The following THAP1 variants were observed in gnomAD, a reference collection of about 807,000 sequenced individuals.
THAP1 encodes THAP domain-containing protein 1.
A neutral mutation model predicts 18.2 loss-of-function variants in THAP1; 6 were observed. The observed-to-expected ratio is 0.33, with a 90% CI of 0.18 to 0.65. The LOEUF is 0.65. THAP1 is among the 30% of genes least tolerant of loss of function. The pLI is 0.74. For synonymous variants in THAP1, 85 were observed against 90.5 expected (o/e 0.94, Z 0.34); for missense variants, 176 against 253.0 (o/e 0.70, Z 2.06).
intron 1 of THAP1, 100 bp downstream of exon 1, chr8:42,842,923 GC>G: frequency 3.7e-6 from 1 of 269,028 alleles, no homozygotes; most frequent in Non-Finnish European, 6.2e-6. Context: ...GACCCCACCC[GC>G]CCCTCGCGCG....
At chr8:42,841,630 T>C (rs1802720007) in intron 1 of THAP1, among the ~76,000 whole-genome samples, 1 of 152,196 alleles carries the variant, frequency 6.6e-6, no homozygotes, top group Non-Finnish European at 1.5e-5. Flanking sequence ...CTCTTTAAAC[T>C]AGTTTCCAGT....
chr8:42,838,386 TA>T (rs748449414), intron 2 of THAP1, 50 bp from the exon 3 acceptor site: 2 of 1,603,828 alleles, frequency 1.2e-6, no homozygotes, highest in Non-Finnish European at 1.7e-6. Context: ...AAAAACAGTT[TA>T]AAAGAATCTG....
chr8:42,840,990 AAG>A (rs1440015397), intron 1 of THAP1, among the ~76,000 whole-genome samples: 2 of 151,356 alleles, frequency 1.3e-5, no homozygotes, highest in South Asian at 2.1e-4. Context: ...AAAAAAAAGA[AAG>A]AAAATCTCAA....
intron 1 of THAP1, among the ~76,000 whole-genome samples, chr8:42,840,927 A>ACTG (rs1184385344): frequency 3.4e-5 from 5 of 148,354 alleles, no homozygotes; most frequent in Non-Finnish European, 7.4e-5. Context: ...AGATCGTGCC[A>ACTG]CTGCACTCTA....
At position 42,837,410 on chromosome 8, in the gene THAP1, TTTTCTTAAG is replaced by T. The variant is rs1457938248; in HGVS notation, c.*543_*551del. ...TCTGCTGTGATGATAATCAAATCTT[TTTTCTTAAG>T]TACTGACTTGCCAATTTATCTTTGA... On this transcript the variant is annotated 3_prime_UTR_variant, in exon 3 of 3. Coordinates refer to ENST00000254250, the MANE Select transcript of THAP1 (RefSeq NM_018105.3). The T allele has an allele frequency of 6.6e-6, 1 of 152,258 alleles. No homozygotes were observed. The highest frequency in any genetic ancestry group is 2.4e-5 in the African/African-American group (1 of 41,472). 9.4% of individuals were successfully genotyped at this position (152,258 alleles called of 1,614,324 possible). A position where few individuals can be genotyped will look rare whatever the true frequency, so the allele number is the denominator to read the frequency against.
In THAP1 at chr8:42,841,441, C is replaced by T. The variant is rs185999636; in HGVS notation, c.71+1583G>A. Among the ~76,000 whole-genome samples the T allele has an allele frequency of 5.3e-3, 809 of 151,850 alleles. 2 individuals carry two copies. Among genetic ancestry groups the T allele is most frequent in the Non-Finnish European group, 8.7e-3 (590 of 67,966 alleles). On this transcript the variant is annotated intron_variant, in intron 1 of 2. Transcript: ENST00000254250. ...TCAGCCTCCCAAGTAGCTAAGATTA[C>T]AGGCGTACGCCTGTATTTTGTATTT...
chr8:42,838,422 A>C (rs747393093), intron 2 of THAP1, 86 bp from the exon 3 acceptor site: 9 of 1,548,104 alleles, frequency 5.8e-6, no homozygotes, highest in Non-Finnish European at 7.0e-6. Flanking sequence ...GCAGTGGCTC[A>C]TGCCTATAAT....
Position 42,840,984 on chromosome 8 carries a change from A to T in THAP1, c.72-1603T>A, listed in dbSNP as rs930770762. Among the ~76,000 whole-genome samples, 3 of 151,508 alleles carry T rather than the reference A, an allele frequency of 2.0e-5. No homozygotes were observed. The East Asian group carries it at 5.8e-4, about 29-fold the overall frequency. On this transcript the variant is annotated intron_variant, in intron 1 of 2. Transcript: ENST00000254250. ...CCATCTCAAAAAAAAAAAAAAAAAA[A>T]AAAGAAAGAAAATCTCAACTGGAAC...
chr8:42,839,473 G>C, intron 1 of THAP1, 92 bp from the exon 2 acceptor site: 2 of 1,226,010 alleles, frequency 1.6e-6, no homozygotes, highest in South Asian at 2.5e-5. Context: ...TCTTACATTG[G>C]TATTAAAGAT....
chr8:42,843,132 G>C lies in THAP1; in HGVS notation c.-38C>G. On this transcript the variant is annotated 5_prime_UTR_variant, in exon 1 of 3. Transcript: ENST00000254250. The stretch of plus-strand genomic sequence containing the variant: ...CAGGCACTTCACTTCTGCCGCCGCA[G>C]AAGGCAGGGGAAGCTGTTCTCAGTG... 6.2e-7 allele frequency: 1 copy of C among 1,611,762 alleles called. No homozygotes were observed. The highest frequency in any genetic ancestry group is 8.5e-7 in the Non-Finnish European group (1 of 1,178,180).
intron 1 of THAP1, 124 bp downstream of exon 1, chr8:42,842,900 A>G (rs1802751215): frequency 4.0e-6 from 3 of 748,288 alleles, no homozygotes; most frequent in Non-Finnish European, 5.2e-6. Context: ...AACGCCCGAC[A>G]CGGCCGGCCC....
intron 2 of THAP1, 125 bp from the exon 3 acceptor site, chr8:42,838,461 C>T (rs866019140): frequency 2.8e-5 from 36 of 1,275,594 alleles, no homozygotes; most frequent in South Asian, 5.4e-5. Flanking sequence ...AAGAGGTGGG[C>T]GGATCACCTG....
chr8:42,839,390 A>G lies in THAP1; in HGVS notation c.72-9T>C, dbSNP rs1382450832. 1.2e-6 allele frequency: 2 copies of G among 1,613,870 alleles called. No individual in the cohort carries two copies. Among genetic ancestry groups the G allele is most frequent in the Non-Finnish European group, 1.7e-6 (2 of 1,179,970 alleles). ...GTCGAGTAAGAGGAAACCTAAGAAG[A>G]AGGCATAATTCAATTATCTGTCCTG... is the stretch of plus-strand genomic sequence containing the variant. On this transcript the variant is annotated splice_polypyrimidine_tract_variant and intron_variant, in intron 1 of 2. Transcript: ENST00000254250.
In THAP1 at chr8:42,839,309, G is replaced by A; in HGVS notation, c.144C>T (p.Thr48=). 6.2e-7 allele frequency: 1 copy of A among 1,614,012 alleles called. No individual in the cohort carries two copies. The highest frequency in any genetic ancestry group is 8.5e-7 in the Non-Finnish European group (1 of 1,179,992). Residue 48 remains threonine, a synonymous_variant, in exon 2 of 3, where the codon ACC becomes ACT. Coordinates refer to ENST00000254250, the MANE Select transcript of THAP1 (RefSeq NM_018105.3). ...GCTCTGAACAAATACTGCTATACTT[G>A]GTGGGTTTAAAGTTTTTTCTTCTGA... ...AAVRRKNFKP[T]KYSSICSEHF...
Position 42,843,052 on chromosome 8 carries a change from C to G in THAP1, c.43G>C (p.Asp15His). The change falls in exon 1 of 3, where the codon GAC (aspartate) becomes CAC (histidine). Residue 15 changes from aspartate to histidine, a missense_variant. Coordinates refer to ENST00000254250, the MANE Select transcript of THAP1 (RefSeq NM_018105.3). ...CSAYGCKNRYDKDKPVSFHKF... is the reference protein window; with the variant it reads ...CSAYGCKNRYHKDKPVSFHKF... ...TGGAAAGAAACGGGCTTGTCCTTGT[C>G]GTAGCGGTTCTTGCAGCCGTAGGCG... 6.2e-7 allele frequency: 1 copy of G among 1,613,974 alleles called. No individual in the cohort carries two copies. The highest frequency in any genetic ancestry group is 8.5e-7 in the Non-Finnish European group (1 of 1,179,906).
At chr8:42,839,650 C>A (rs746700921) in intron 1 of THAP1, among the ~76,000 whole-genome samples, 6 of 152,158 alleles carry the variant, frequency 3.9e-5, no homozygotes, top group Non-Finnish European at 8.8e-5. Context: ...CAGGTTCAAG[C>A]GATTCTCCTG....
At chr8:42,842,502 A>G (rs1802738227) in intron 1 of THAP1, 2 of 152,172 alleles carry the variant, frequency 1.3e-5, no homozygotes, top group African/African-American at 2.4e-5. Flanking sequence ...AGCTTTCTCC[A>G]AAATACAGGG....
At position 42,837,408 on chromosome 8, in the gene THAP1, T is replaced by G. The variant is rs1230446660; in HGVS notation, c.*554A>C. 6.6e-6 allele frequency: 1 copy of G among 152,260 alleles called. No homozygotes were observed. Among genetic ancestry groups the G allele is most frequent in the Non-Finnish European group, 1.5e-5 (1 of 68,068 alleles). 9.4% of individuals were successfully genotyped at this position (152,260 alleles called of 1,614,324 possible). A position where few individuals can be genotyped will look rare whatever the true frequency, so the allele number is the denominator to read the frequency against. ...TTTCTGCTGTGATGATAATCAAATCTTTTTTCTTAAGTACTGACTTGCCAA... is the reference window on the plus strand; with the variant it reads ...TTTCTGCTGTGATGATAATCAAATCGTTTTTCTTAAGTACTGACTTGCCAA... On this transcript the variant is annotated 3_prime_UTR_variant, in exon 3 of 3. Coordinates refer to ENST00000254250, the MANE Select transcript of THAP1 (RefSeq NM_018105.3).
At chr8:42,841,027 A>G (rs1490052807) in intron 1 of THAP1, among the ~76,000 whole-genome samples, 1 of 151,846 alleles carries the variant, frequency 6.6e-6, no homozygotes, top group Non-Finnish European at 1.5e-5. Context: ...ATAAGTATAA[A>G]CTAGGGTAGC....
Sources: allele counts gnomAD v4.1 joint callset (sites outside exome capture counted in the v4.1 genomes callset), GRCh38; gene constraint gnomAD v4.1.1; transcripts MANE v1.5; gene names NCBI Gene and HGNC (gene_info 2026-07-23, HGNC 2026-07-21).